RBFOX1: variants seen among roughly 807,000 people sequenced by gnomAD.
RBFOX1 encodes the protein RNA binding fox-1 homolog 1.
Under a neutral mutation model 57.7 loss-of-function variants are expected in RBFOX1, and 8 were observed. The observed-to-expected ratio is 0.14, with a 90% CI of 0.08 to 0.25. The LOEUF is 0.25. RBFOX1 is among the 10% of genes least tolerant of loss of function. The pLI is 1.00. For missense variants in RBFOX1, 611 were observed against 548.5 expected, an observed-to-expected ratio of 1.11 and a Z score of -1.14; for synonymous variants, 326 against 222.4, an observed-to-expected ratio of 1.47 and a Z score of -4.15.
chr16:6,671,284 A>G (rs144429456), intron 3 of RBFOX1, among the ~76,000 whole-genome samples: 2 of 152,184 alleles, frequency 1.3e-5, no homozygotes, highest in African/African-American at 4.8e-5. Context: ...ATAGAGTATT[A>G]TGCGGCTATT....
At chr16:5,625,391 G>A (rs2048318780) in intron 3 of RBFOX1, among the ~76,000 whole-genome samples, 1 of 152,076 alleles carries the variant, frequency 6.6e-6, no homozygotes, top group Non-Finnish European at 1.5e-5. Flanking sequence ...GGCACAGAGA[G>A]GTCAAGAACG....
intron 4 of RBFOX1, among the ~76,000 whole-genome samples, chr16:7,184,567 G>C (rs1407855107): frequency 6.6e-6 from 1 of 152,214 alleles, no homozygotes; most frequent in Non-Finnish European, 1.5e-5. Context: ...CTGTGCCTTT[G>C]TGACAATCCT....
At chr16:5,543,654 C>A (rs1395057192) in intron 2 of RBFOX1, among the ~76,000 whole-genome samples, 2 of 152,040 alleles carry the variant, frequency 1.3e-5, no homozygotes, top group Admixed American at 6.6e-5. Context: ...TTCCACATTT[C>A]ATGAAAATCA....
At chr16:7,062,131 C>G (rs1049681780) in intron 4 of RBFOX1, among the ~76,000 whole-genome samples, 11 of 151,766 alleles carry the variant, frequency 7.2e-5, no homozygotes, top group Non-Finnish European at 1.2e-4. Context: ...TCCTGGCTAA[C>G]ACGGTGAAAC....
intron 4 of RBFOX1, among the ~76,000 whole-genome samples, chr16:7,266,504 G>C (rs747412768): frequency 6.6e-6 from 1 of 152,142 alleles, no homozygotes; most frequent in Non-Finnish European, 1.5e-5. Context: ...TCAGTCTCTG[G>C]TATTTCTTTA....
Position 7,424,954 on chromosome 16 carries a change from G to C in RBFOX1, c.28-93193G>C, listed in dbSNP as rs570315475. On this transcript the variant is annotated intron_variant, in intron 4 of 15. Coordinates refer to ENST00000550418, the MANE Select transcript of RBFOX1 (RefSeq NM_018723.4). ...AAGGTGATAAGATACTTGGGAGTTT[G>C]AGCACCAAGAAGAATGTTATCTTAG... 2.1e-4 allele frequency among the ~76,000 whole-genome samples: 32 copies of C among 152,232 alleles called. No individual in the cohort carries two copies. The South Asian group carries it at 3.9e-3, about 19-fold the overall frequency.
chr16:6,338,723 GTTC>G (rs1175605270), intron 2 of RBFOX1, among the ~76,000 whole-genome samples: 5 of 152,148 alleles, frequency 3.3e-5, no homozygotes, highest in Admixed American at 2.6e-4. Flanking sequence ...GAAAAAGTTA[GTTC>G]TTCTTCAAAG....
chr16:7,703,218 C>T (rs2081341823), intron 14 of RBFOX1, among the ~76,000 whole-genome samples: 1 of 152,192 alleles, frequency 6.6e-6, no homozygotes, highest in Non-Finnish European at 1.5e-5. Flanking sequence ...ATAAAGGAGG[C>T]ACTGTAGTCC....
At chr16:7,133,091 T>C (rs1308290293) in intron 4 of RBFOX1, among the ~76,000 whole-genome samples, 1 of 152,238 alleles carries the variant, frequency 6.6e-6, no homozygotes, top group Non-Finnish European at 1.5e-5. Context: ...CAAAACTATT[T>C]TTTGATATTA....
intron 3 of RBFOX1, among the ~76,000 whole-genome samples, chr16:5,785,764 T>G (rs1299780456): frequency 1.3e-5 from 2 of 152,132 alleles, no homozygotes. Context: ...CGACCTCAGG[T>G]GATCCACATG....
intron 3 of RBFOX1, among the ~76,000 whole-genome samples, chr16:6,859,130 C>CGTATATATATGT (rs1238966168): frequency 0.19 from 15,553 of 80,138 alleles, 2,088 homozygotes; most frequent in East Asian, 0.25. Context: ...TATATATATA[C>CGTATATATATGT]ATATATATAC....
At chr16:7,374,066 T>G (rs1187991752) in intron 4 of RBFOX1, among the ~76,000 whole-genome samples, 2 of 152,076 alleles carry the variant, frequency 1.3e-5, no homozygotes, top group Non-Finnish European at 2.9e-5. Flanking sequence ...GAGAGGCAGA[T>G]AGACCCAGAT....
At chr16:6,586,617 T>G (rs995542614) in intron 2 of RBFOX1, among the ~76,000 whole-genome samples, 5 of 152,168 alleles carry the variant, frequency 3.3e-5, no homozygotes, top group Non-Finnish European at 7.3e-5. Flanking sequence ...CTTCCCACAT[T>G]ACACACTCTT....
chr16:5,453,012 T>C (rs2068474756), intron 1 of RBFOX1, among the ~76,000 whole-genome samples: 1 of 152,204 alleles, frequency 6.6e-6, no homozygotes, highest in Non-Finnish European at 1.5e-5. Flanking sequence ...GGCATTTCAG[T>C]ATATCCTCCT....
At chr16:5,329,923 C>T (rs1448251026) in intron 1 of RBFOX1, among the ~76,000 whole-genome samples, 2 of 150,042 alleles carry the variant, frequency 1.3e-5, no homozygotes, top group Non-Finnish European at 2.9e-5. Flanking sequence ...GTGGAGCTTG[C>T]AGTGAGCTGA....
chr16:6,499,791 C>T (rs142958233), intron 2 of RBFOX1, among the ~76,000 whole-genome samples: 15 of 152,200 alleles, frequency 9.9e-5, no homozygotes, highest in Non-Finnish European at 1.9e-4. Context: ...GTTTGTGTCC[C>T]AGTCTCCAGT....
intron 3 of RBFOX1, among the ~76,000 whole-genome samples, chr16:6,884,257 G>C (rs2063522769): frequency 6.6e-6 from 1 of 152,164 alleles, no homozygotes; most frequent in African/African-American, 2.4e-5. Flanking sequence ...GTGGCAATAA[G>C]TATGTGTCCA....
chr16:7,645,118 C>T (rs1327560801), intron 11 of RBFOX1, among the ~76,000 whole-genome samples: 2 of 152,080 alleles, frequency 1.3e-5, no homozygotes, highest in Non-Finnish European at 2.9e-5. Flanking sequence ...CAAAAATGTG[C>T]ATTTCTCTCC....
intron 13 of RBFOX1, among the ~76,000 whole-genome samples, chr16:7,676,406 G>C (rs1254513721): frequency 2.6e-5 from 4 of 152,192 alleles, no homozygotes; most frequent in Non-Finnish European, 4.4e-5. Flanking sequence ...TAAAGGTAAA[G>C]CAGAAACAAT....
Sources: gnomAD v4.1 joint callset for allele counts (sites outside exome capture counted in the v4.1 genomes callset) on GRCh38, gnomAD v4.1.1 for gene constraint, MANE v1.5 for transcripts, NCBI Gene and HGNC (gene_info 2026-07-23, HGNC 2026-07-21) for gene names.